The following ARMH1 variants were observed in gnomAD, a reference collection of about 807,000 sequenced individuals.
ARMH1 encodes the protein armadillo like helical domain containing 1.
Under a neutral mutation model 50.2 loss-of-function variants are expected in ARMH1, and 34 were observed. That is an observed-to-expected ratio of 0.68 (90% CI 0.51 to 0.90). ARMH1 has a LOEUF of 0.90. Among genes scored for constraint, ARMH1 ranks in the 40% least tolerant of loss-of-function variants. The pLI, the probability that ARMH1 is intolerant of heterozygous loss-of-function variation, is 0.00. For synonymous variants in ARMH1, 221 were observed against 224.2 expected (o/e 0.99, Z 0.13); for missense variants, 538 against 553.9 (o/e 0.97, Z 0.29).
At chr1:44,711,522 G>C (rs1646613218) in intron 6 of ARMH1, among the ~76,000 whole-genome samples, 1 of 152,138 alleles carries the variant, frequency 6.6e-6, no homozygotes, top group Admixed American at 6.5e-5. Context: ...TTTAAAATTG[G>C]TTGTTGGGTT....
chr1:44,703,717 G>A (rs112199151), intron 5 of ARMH1, among the ~76,000 whole-genome samples: 3,839 of 143,736 alleles, frequency 0.027, 135 homozygotes, highest in African/African-American at 0.08. Flanking sequence ...GACAGAGTGG[G>A]AATACATCTT....
rs1253140574 is a variant in ARMH1 at position 44,674,888 on chromosome 1, A to C, written c.-23+15A>C. On this transcript the variant is annotated intron_variant, in intron 1 of 11. Coordinates refer to ENST00000535358, the MANE Select transcript of ARMH1 (RefSeq NM_001145636.2). ...GAGGGCTGGAGGTATAAAACCGTAC[A>C]AAACGGCCTAGGGGGCGCGTGCCGA... 6.5e-6 allele frequency: 1 copy of C among 153,630 alleles called. No individual in the cohort carries two copies. Among genetic ancestry groups the C allele is most frequent in the Non-Finnish European group, 1.5e-5 (1 of 68,760 alleles). 9.5% of individuals were successfully genotyped at this position (153,630 alleles called of 1,614,324 possible).
rs188470775 is a variant in ARMH1 at position 44,710,241 on chromosome 1, T to C, written c.724+6068T>C. Among the ~76,000 whole-genome samples the C allele has an allele frequency of 1.9e-3, 287 of 152,188 alleles. 3 individuals are homozygous for C. Among genetic ancestry groups the C allele is most frequent in the African/African-American group, 6.6e-3 (275 of 41,504 alleles). ...ACTGGTGGTCGCAAGAACCTCATTG[T>C]TAGTTTCCTTCGGTTCTTGGCTGTG... On this transcript the variant is annotated intron_variant, in intron 6 of 11. Coordinates refer to ENST00000535358, the MANE Select transcript of ARMH1 (RefSeq NM_001145636.2).
At chr1:44,706,641 T>G (rs924859474) in intron 6 of ARMH1, among the ~76,000 whole-genome samples, 31 of 152,140 alleles carry the variant, frequency 2.0e-4, no homozygotes, top group African/African-American at 7.2e-4. Context: ...TCAGCAACAT[T>G]GTCGGTTTTG....
At position 44,724,980 on chromosome 1, in the gene ARMH1, G is replaced by C. The variant is rs573916633; in HGVS notation, c.1128+141G>C. 293 of 1,501,758 alleles carry C rather than the reference G, an allele frequency of 2.0e-4. 3 individuals carry two copies. In the African/African-American group the frequency reaches 3.7e-3, roughly 19 times the overall value. The allele number at this position is 1,501,758 out of a possible 1,614,324, so 93.0% of individuals were successfully genotyped here. On this transcript the variant is annotated intron_variant, in intron 10 of 11. Transcript: ENST00000535358. The surrounding 1 kb of genome is among the most constrained non-coding windows in gnomAD (Gnocchi z 6.4). ...CAGCTGCAGGAGGGACTGCTCTGGC[G>C]TAGGCTCCTCCACCCGCCACCTTCC...
chr1:44,681,539 A>G lies in ARMH1; in HGVS notation c.-23+6666A>G, dbSNP rs1456488302. Among the ~76,000 whole-genome samples the G allele has an allele frequency of 6.6e-6, 1 of 152,050 alleles. No homozygotes were observed. The highest frequency in any genetic ancestry group is 1.5e-5 in the Non-Finnish European group (1 of 68,032). On this transcript the variant is annotated intron_variant, in intron 1 of 11. Transcript: ENST00000535358. The surrounding 1 kb of genome is among the most constrained non-coding windows in gnomAD (Gnocchi z 4.3). ...GTAAAAATCAAGGCTAACAAGAAAA[A>G]TGCCTAAATAGAGGGGTTAAGGATA...
intron 1 of ARMH1, among the ~76,000 whole-genome samples, chr1:44,678,798 G>C (rs1248557954): frequency 6.6e-6 from 1 of 152,124 alleles, no homozygotes; most frequent in African/African-American, 2.4e-5. Context: ...ATTTGCCGGG[G>C]GGGTGGGGAA....
At chr1:44,712,454 A>G (rs1031314863) in intron 6 of ARMH1, among the ~76,000 whole-genome samples, 3 of 150,490 alleles carry the variant, frequency 2.0e-5, no homozygotes, top group African/African-American at 7.3e-5. Flanking sequence ...GTGAAACTCC[A>G]TGAAACTCTG....
intron 5 of ARMH1, among the ~76,000 whole-genome samples, chr1:44,702,731 AAAG>A (rs1331648319): frequency 3.3e-5 from 5 of 151,434 alleles, no homozygotes; most frequent in Admixed American, 6.6e-5. Context: ...AAAAAAAAGA[AAAG>A]AAAAGAAAAA....
intron 6 of ARMH1, among the ~76,000 whole-genome samples, chr1:44,711,644 A>G (rs528390658): frequency 6.2e-4 from 94 of 152,212 alleles, no homozygotes; most frequent in Non-Finnish European, 1.2e-4. Flanking sequence ...TTCATTTTCA[A>G]TGATTTAAGT....
At chr1:44,675,047 T>A (rs564354279) in intron 1 of ARMH1, among the ~76,000 whole-genome samples, 174 bp downstream of exon 1, 2 of 152,222 alleles carry the variant, frequency 1.3e-5, no homozygotes, top group East Asian at 3.9e-4. Flanking sequence ...ACCGAGGAGC[T>A]GGGAGTGCAA....
intron 1 of ARMH1, among the ~76,000 whole-genome samples, chr1:44,680,915 TATC>T (rs141869256): frequency 0.03 from 4,495 of 152,148 alleles, 151 homozygotes; most frequent in Admixed American, 0.078. Context: ...CCAACCCTAA[TATC>T]ATCAGCGTCT....
Position 44,697,946 on chromosome 1 carries a change from C to T in ARMH1, c.276-117C>T, listed in dbSNP as rs1201152827. On this transcript the variant is annotated intron_variant, in intron 3 of 11. Transcript: ENST00000535358. ...ACACTCGTATCACTTTACCTATGGA[C>T]ATTTCCTGGATAGGAGGGCAAAGTA... The T allele has an allele frequency of 1.3e-5, 9 of 688,948 alleles. No homozygotes were observed. The South Asian group carries it at 1.9e-4, about 15-fold the overall frequency. The allele number at this position is 688,948 out of a possible 1,614,324, so 42.7% of individuals were successfully genotyped here. A position where few individuals can be genotyped will look rare whatever the true frequency, so the allele number is the denominator to read the frequency against.
In ARMH1 at chr1:44,721,634, T is replaced by G. The variant is rs954631832; in HGVS notation, c.725-2488T>G. Among the ~76,000 whole-genome samples the G allele has an allele frequency of 4.6e-5, 7 of 151,704 alleles. No individual in the cohort carries two copies. In the South Asian group the frequency reaches 6.2e-4, roughly 13 times the overall value. ...ATTAGACAGGCTTATGAGGCTGAGG[T>G]GGGAGGATTGCTTGAGCATGGGAGA... On this transcript the variant is annotated intron_variant, in intron 6 of 11. Transcript: ENST00000535358.
intron 1 of ARMH1, among the ~76,000 whole-genome samples, chr1:44,687,995 G>T (rs751507384): frequency 2.6e-5 from 4 of 152,148 alleles, no homozygotes; most frequent in African/African-American, 4.8e-5. Context: ...GTGCTTTCCT[G>T]CCTGATAAAG....
Position 44,689,780 on chromosome 1 carries a change from G to A in ARMH1, c.83G>A (p.Arg28Lys), listed in dbSNP as rs1303823604. Residue 28 changes from arginine to lysine, a missense_variant, in exon 2 of 12, where the codon AGG (arginine) becomes AAG (lysine). Coordinates refer to ENST00000535358, the MANE Select transcript of ARMH1 (RefSeq NM_001145636.2). ...QEWDNAGKVA[R>K]SHILDKFIET... ...TGGGACAACGCTGGCAAAGTCGCAA[G>A]GAGTCACATCCTCGACAAGTTCATT... is the stretch of plus-strand genomic sequence containing the variant. 6.4e-7 allele frequency: 1 copy of A among 1,551,948 alleles called. No homozygotes were observed. The highest frequency in any genetic ancestry group is 1.2e-5 in the South Asian group (1 of 84,058).
intron 2 of ARMH1, among the ~76,000 whole-genome samples, chr1:44,694,493 G>A (rs1040598615): frequency 3.1e-4 from 45 of 147,112 alleles, no homozygotes; most frequent in African/African-American, 9.9e-4. Flanking sequence ...CATTTATTGA[G>A]TCTTTTTCTT....
Position 44,724,323 on chromosome 1 carries a change from C to T in ARMH1, c.851C>T (p.Pro284Leu), listed in dbSNP as rs1200498483. Reference sequence around the variant, plus strand: ...CTCACGGCTGCCCCCTCCTCAGACCCCTCGGTTCTCCAGCTCACCCCCAGC... The same window carrying T: ...CTCACGGCTGCCCCCTCCTCAGACCTCTCGGTTCTCCAGCTCACCCCCAGC... ...SKLQAKILSD[P>L]SVLQLTPSLP... Residue 284 changes from proline (P) to leucine (L), a missense_variant, in exon 8 of 12, where the codon CCC (proline) becomes CTC (leucine). By Grantham distance (98) the Pro-to-Leu change is moderately conservative. Transcript: ENST00000535358. This position sits in a 1 kb window ranked among gnomAD's most constrained non-coding sequence, Gnocchi z 6.4. 5 of 1,551,584 alleles carry T rather than the reference C, an allele frequency of 3.2e-6. No individual in the cohort carries two copies. Among genetic ancestry groups the T allele is most frequent in the East Asian group, 4.9e-5 (2 of 40,912 alleles).
intron 2 of ARMH1, among the ~76,000 whole-genome samples, chr1:44,692,588 G>T (rs1330321566): frequency 6.6e-6 from 1 of 151,994 alleles, no homozygotes; most frequent in Non-Finnish European, 1.5e-5. Context: ...TCTGCAGCTG[G>T]GAAGAATTAA....
Sources: allele counts gnomAD v4.1 joint callset (sites outside exome capture counted in the v4.1 genomes callset), GRCh38; gene constraint gnomAD v4.1.1; non-coding constraint Gnocchi (gnomAD v3.1); transcripts MANE v1.5; gene names NCBI Gene and HGNC (gene_info 2026-07-23, HGNC 2026-07-21).